RSBN1: variants seen among roughly 807,000 people sequenced by gnomAD.
The protein encoded by RSBN1 is round spermatid basic protein 1.
A neutral mutation model predicts 74.8 loss-of-function variants in RSBN1; 23 were observed. That is an observed-to-expected ratio of 0.31 (90% CI 0.22 to 0.44). The LOEUF is 0.44. Ranked by LOEUF, RSBN1 falls within the 20% of genes least tolerant of loss-of-function variation. The pLI is 1.00. For missense variants in RSBN1, 808 were observed against 1,020.9 expected (o/e 0.79, Z 2.84); for synonymous variants, 407 against 379.6 (o/e 1.07, Z -0.84).
At chr1:113,778,756 T>G (rs1660082321) in intron 2 of RSBN1, among the ~76,000 whole-genome samples, 1 of 152,186 alleles carries the variant, frequency 6.6e-6, no homozygotes, top group Admixed American at 6.5e-5. Flanking sequence ...TCCAGAAGTC[T>G]TTCTGGTCAC....
At chr1:113,786,834 C>A (rs1021197390) in intron 2 of RSBN1, among the ~76,000 whole-genome samples, 1 of 151,982 alleles carries the variant, frequency 6.6e-6, no homozygotes, top group Admixed American at 6.6e-5. Flanking sequence ...ATTAGCCGGG[C>A]GTGGTGGTGA....
Position 113,763,034 on chromosome 1 carries a change from A to C in RSBN1, c.*2946T>G, listed in dbSNP as rs1335789984. 1 of 152,772 alleles carries C rather than the reference A, an allele frequency of 6.5e-6. No homozygotes were observed. Among genetic ancestry groups the C allele is most frequent in the Non-Finnish European group, 1.5e-5 (1 of 68,028 alleles). The allele number at this position is 152,772 out of a possible 1,614,324, so 9.5% of individuals were successfully genotyped here. Reference sequence around the variant, plus strand: ...ACCTAGGAACCAATTTTTAGAGTTAAAACTTTGGAGGAGAGAACATACTAT... The same window carrying C: ...ACCTAGGAACCAATTTTTAGAGTTACAACTTTGGAGGAGAGAACATACTAT... On this transcript the variant is annotated 3_prime_UTR_variant, in exon 7 of 7. Coordinates refer to ENST00000261441, the MANE Select transcript of RSBN1 (RefSeq NM_018364.5).
At chr1:113,808,084 C>A (rs114786099) in intron 1 of RSBN1, among the ~76,000 whole-genome samples, 111 of 152,144 alleles carry the variant, frequency 7.3e-4, no homozygotes, top group African/African-American at 2.5e-3. Flanking sequence ...ATGGTACCGA[C>A]ACTCCAGAAA....
At chr1:113,772,397 TA>T (rs907915893) in intron 4 of RSBN1, among the ~76,000 whole-genome samples, 3 of 151,146 alleles carry the variant, frequency 2.0e-5, no homozygotes, top group Admixed American at 6.6e-5. Context: ...AATTTTTAAT[TA>T]AAAAAAAACC....
At chr1:113,780,729 A>G (rs1394716797) in intron 2 of RSBN1, among the ~76,000 whole-genome samples, 1 of 152,240 alleles carries the variant, frequency 6.6e-6, no homozygotes, top group Non-Finnish European at 1.5e-5. Context: ...ACAAAGAATT[A>G]ACAATGTTCA....
intron 2 of RSBN1, among the ~76,000 whole-genome samples, chr1:113,791,714 A>G (rs922690598): frequency 1.3e-5 from 2 of 149,338 alleles, no homozygotes; most frequent in African/African-American, 2.5e-5. Flanking sequence ...AAATAAGAGG[A>G]AAAAAAAAAG....
intron 2 of RSBN1, among the ~76,000 whole-genome samples, chr1:113,780,281 C>T (rs937157981): frequency 6.6e-6 from 1 of 152,180 alleles, no homozygotes; most frequent in South Asian, 2.1e-4. Context: ...ATTTACTTGG[C>T]CTGAGATTAT....
At chr1:113,776,752 G>C (rs1271844828) in intron 4 of RSBN1, among the ~76,000 whole-genome samples, 2 of 147,700 alleles carry the variant, frequency 1.4e-5, no homozygotes, top group African/African-American at 5.0e-5. Flanking sequence ...CAAGAATACA[G>C]TGAGCTATGA....
Position 113,762,296 on chromosome 1 carries a change from G to A in RSBN1, c.*3684C>T, listed in dbSNP as rs1659693538. 6.5e-6 allele frequency: 1 copy of A among 152,736 alleles called. No individual in the cohort carries two copies. The highest frequency in any genetic ancestry group is 1.5e-5 in the Non-Finnish European group (1 of 68,016). The allele number at this position is 152,736 out of a possible 1,614,324, so 9.5% of individuals were successfully genotyped here. On this transcript the variant is annotated 3_prime_UTR_variant, in exon 7 of 7. Coordinates refer to ENST00000261441, the MANE Select transcript of RSBN1 (RefSeq NM_018364.5). ...ACAGTGGTCTCAACTACATGCACAAGTGGATCCTAAAAAATGTATGAAGAA... is the reference window on the plus strand; with the variant it reads ...ACAGTGGTCTCAACTACATGCACAAATGGATCCTAAAAAATGTATGAAGAA...
intron 2 of RSBN1, among the ~76,000 whole-genome samples, chr1:113,780,410 A>AC (rs1660115736): frequency 6.6e-6 from 1 of 152,240 alleles, no homozygotes; most frequent in African/African-American, 2.4e-5. Flanking sequence ...TTCAAACACC[A>AC]CTAAACTCAA....
chr1:113,795,102 A>G (rs1301635765), intron 2 of RSBN1, among the ~76,000 whole-genome samples: 1 of 152,250 alleles, frequency 6.6e-6, no homozygotes, highest in African/African-American at 2.4e-5. Flanking sequence ...AAAATATTAG[A>G]AACAAAGCCT....
At chr1:113,769,479 T>G (rs1659849533) in intron 4 of RSBN1, among the ~76,000 whole-genome samples, 1 of 152,308 alleles carries the variant, frequency 6.6e-6, no homozygotes, top group East Asian at 1.9e-4. Context: ...AGAGTACAGA[T>G]GAAACAGAAT....
At chr1:113,775,026 C>CTT (rs570357627) in intron 4 of RSBN1, among the ~76,000 whole-genome samples, 11 of 142,248 alleles carry the variant, frequency 7.7e-5, no homozygotes, top group South Asian at 2.2e-4. Flanking sequence ...TGGTGGCTAC[C>CTT]TTTTTTTTTT....
intron 4 of RSBN1, among the ~76,000 whole-genome samples, chr1:113,774,121 CA>C (rs1490680997): frequency 1.3e-5 from 2 of 152,130 alleles, no homozygotes; most frequent in African/African-American, 2.4e-5. Context: ...ACTTGAGGGT[CA>C]GGGGAGGTGG....
At chr1:113,777,967 C>G (rs1294911102) in intron 2 of RSBN1, among the ~76,000 whole-genome samples, 159 bp from the exon 3 acceptor site, 3 of 152,218 alleles carry the variant, frequency 2.0e-5, no homozygotes, top group African/African-American at 7.2e-5. Context: ...CCCAAGCACA[C>G]TGACAAATAC....
chr1:113,769,703 T>C (rs1659853104), intron 4 of RSBN1, among the ~76,000 whole-genome samples: 3 of 152,086 alleles, frequency 2.0e-5, no homozygotes, highest in Admixed American at 2.0e-4. Flanking sequence ...CTAATAAAAC[T>C]GTGCAGAGAA....
At chr1:113,787,799 T>C (rs1660278451) in intron 2 of RSBN1, among the ~76,000 whole-genome samples, 1 of 152,032 alleles carries the variant, frequency 6.6e-6, no homozygotes, top group Non-Finnish European at 1.5e-5. Context: ...CTTTAAACAC[T>C]AATATTTAGA....
chr1:113,775,129 A>G (rs1192337322), intron 4 of RSBN1, among the ~76,000 whole-genome samples: 1 of 151,820 alleles, frequency 6.6e-6, no homozygotes, highest in Non-Finnish European at 1.5e-5. Flanking sequence ...GGTTCAAGCA[A>G]TTCTCCTGCC....
chr1:113,767,062 C>A (rs1416931149), intron 6 of RSBN1, 37 bp downstream of exon 6: 3 of 1,194,116 alleles, frequency 2.5e-6, no homozygotes, highest in Non-Finnish European at 3.7e-6. Flanking sequence ...ATATTTACTT[C>A]TAATATCGCA....
Sources: allele counts gnomAD v4.1 joint callset (sites outside exome capture counted in the v4.1 genomes callset), GRCh38; gene constraint gnomAD v4.1.1; transcripts MANE v1.5; gene names NCBI Gene and HGNC (gene_info 2026-07-23, HGNC 2026-07-21).